Variants in SH3BGR observed in about 807,000 individuals in gnomAD.
SH3BGR encodes the protein SH3 domain-binding glutamic acid-rich protein.
A neutral mutation model predicts 24.5 loss-of-function variants in SH3BGR; 29 were observed. The ratio of observed to expected loss-of-function variants is 1.18; its 90% CI spans 0.88 to 1.61. SH3BGR has a LOEUF of 1.61. SH3BGR is among the 40% of genes most tolerant of loss of function. The pLI, the probability that SH3BGR is intolerant of heterozygous loss-of-function variation, is 0.00. For synonymous variants in SH3BGR, 55 were observed against 65.7 expected, an observed-to-expected ratio of 0.84 and a Z score of 0.79; for missense variants, 162 against 205.8, an observed-to-expected ratio of 0.79 and a Z score of 1.30.
At chr21:39,450,557 A>G (rs1309646530), upstream of SH3BGR, among the ~76,000 whole-genome samples, 2 of 152,120 alleles carry the variant, frequency 1.3e-5, no homozygotes, top group Non-Finnish European at 1.5e-5. Flanking sequence ...CGTCGGTGCC[A>G]CCCAATCCAT....
intron 3 of SH3BGR, among the ~76,000 whole-genome samples, chr21:39,485,112 G>T (rs2078188683): frequency 6.6e-6 from 1 of 152,138 alleles, no homozygotes; most frequent in Non-Finnish European, 1.5e-5. Context: ...GTAAGCATTG[G>T]TTCCATAAAG....
At chr21:39,486,149 A>G (rs1209275553) in intron 3 of SH3BGR, among the ~76,000 whole-genome samples, 2 of 152,216 alleles carry the variant, frequency 1.3e-5, no homozygotes, top group Non-Finnish European at 2.9e-5. Context: ...TCAAAGCAAA[A>G]CATGCTAACA....
chr21:39,477,259 G>A (rs911420084), intron 3 of SH3BGR, among the ~76,000 whole-genome samples: 13 of 151,976 alleles, frequency 8.6e-5, no homozygotes, highest in Non-Finnish European at 1.9e-4. Flanking sequence ...TTTGTATAAT[G>A]TTCCATCAAG....
intron 5 of SH3BGR, among the ~76,000 whole-genome samples, chr21:39,510,618 T>C (rs1602183342): frequency 6.6e-6 from 1 of 152,142 alleles, no homozygotes; most frequent in Non-Finnish European, 1.5e-5. Flanking sequence ...TTCTTAGACC[T>C]ATAGATTATT....
At chr21:39,448,896 C>A (rs2077541862), upstream of SH3BGR, among the ~76,000 whole-genome samples, 1 of 152,036 alleles carries the variant, frequency 6.6e-6, no homozygotes, top group South Asian at 2.1e-4. Context: ...TATGCGCCCC[C>A]ACCCCCAAAC....
intron 1 of SH3BGR, among the ~76,000 whole-genome samples, chr21:39,457,413 TAA>T (rs1602069499): frequency 7.0e-6 from 1 of 143,542 alleles, no homozygotes; most frequent in Non-Finnish European, 1.5e-5. Context: ...ATCTTATATA[TAA>T]GATTATTATA....
chr21:39,455,661 A>T (rs898713393), intron 1 of SH3BGR, among the ~76,000 whole-genome samples: 1 of 152,208 alleles, frequency 6.6e-6, no homozygotes, highest in African/African-American at 2.4e-5. Context: ...GAGCCGGGGC[A>T]CAGGGGTGCA....
At chr21:39,489,259 A>G (rs1267573663) in intron 3 of SH3BGR, among the ~76,000 whole-genome samples, 2 of 152,216 alleles carry the variant, frequency 1.3e-5, no homozygotes, top group Non-Finnish European at 2.9e-5. Context: ...CCATCCCCTT[A>G]TCTTATGACT....
intron 3 of SH3BGR, among the ~76,000 whole-genome samples, chr21:39,484,781 C>T (rs948048226): frequency 6.6e-6 from 1 of 152,180 alleles, no homozygotes; most frequent in East Asian, 1.9e-4. Flanking sequence ...GTGCTGTCAG[C>T]ATTGCTTAGG....
At chr21:39,492,479 T>C (rs62222770) in intron 3 of SH3BGR, among the ~76,000 whole-genome samples, 307 of 67,794 alleles carry the variant, frequency 4.5e-3, no homozygotes, top group Non-Finnish European at 9.5e-3. Flanking sequence ...TATATATATA[T>C]ATACACACAC....
At chr21:39,501,691 C>G (rs972574352) in intron 4 of SH3BGR, among the ~76,000 whole-genome samples, 5 of 152,180 alleles carry the variant, frequency 3.3e-5, no homozygotes, top group African/African-American at 7.2e-5. Flanking sequence ...TAGAAAAACC[C>G]TCTGTGATTG....
At chr21:39,496,098 GC>G (rs2078389284) in intron 3 of SH3BGR, among the ~76,000 whole-genome samples, 1 of 151,466 alleles carries the variant, frequency 6.6e-6, no homozygotes, top group Non-Finnish European at 1.5e-5. Flanking sequence ...AGATAGGCAT[GC>G]CTGTCATCAC....
chr21:39,483,011 A>G (rs553191795), intron 3 of SH3BGR, among the ~76,000 whole-genome samples: 2 of 152,340 alleles, frequency 1.3e-5, no homozygotes, highest in South Asian at 4.1e-4. Flanking sequence ...GCAATGTTGT[A>G]TTGCCTTTGC....
chr21:39,486,293 A>AT (rs2078211785), intron 3 of SH3BGR, among the ~76,000 whole-genome samples: 1 of 152,244 alleles, frequency 6.6e-6, no homozygotes, highest in South Asian at 2.1e-4. Context: ...TTTCTGTGAC[A>AT]TGCAAAACGA....
upstream of SH3BGR, among the ~76,000 whole-genome samples, chr21:39,449,758 T>A (rs1475831175): frequency 1.3e-5 from 2 of 152,206 alleles, no homozygotes; most frequent in Non-Finnish European, 2.9e-5. Flanking sequence ...ATATGCCATT[T>A]CCTATTCCCA....
chr21:39,467,463 G>C (rs543693005), intron 2 of SH3BGR, among the ~76,000 whole-genome samples: 2 of 152,038 alleles, frequency 1.3e-5, no homozygotes, highest in African/African-American at 2.4e-5. Context: ...TGCTTAATTT[G>C]CTTTTCTGTG....
At chr21:39,505,018 G>T (rs2078559429) in intron 4 of SH3BGR, among the ~76,000 whole-genome samples, 1 of 152,150 alleles carries the variant, frequency 6.6e-6, no homozygotes, top group Admixed American at 6.5e-5. Context: ...TTGCTCTGTT[G>T]ACCAGGCTGG....
chr21:39,473,791 A>G (rs955801875), intron 2 of SH3BGR, among the ~76,000 whole-genome samples: 18 of 151,788 alleles, frequency 1.2e-4, no homozygotes, highest in African/African-American at 4.1e-4. Context: ...AGGCTGAGGC[A>G]GGAGAATCGC....
chr21:39,470,387 T>TC (rs2077918317), intron 2 of SH3BGR, among the ~76,000 whole-genome samples: 1 of 151,988 alleles, frequency 6.6e-6, no homozygotes, highest in Non-Finnish European at 1.5e-5. Context: ...GCCTCCTGAG[T>TC]AGCTGGGATT....
Sources: gnomAD v4.1 joint callset for allele counts (sites outside exome capture counted in the v4.1 genomes callset) on GRCh38, gnomAD v4.1.1 for gene constraint, MANE v1.5 for transcripts, NCBI Gene and HGNC (gene_info 2026-07-23, HGNC 2026-07-21) for gene names.